Variants in NCAM1 observed in about 807,000 individuals in gnomAD.
NCAM1 encodes neural cell adhesion molecule 1.
In NCAM1, 14 loss-of-function variants were observed where a neutral mutation model predicts 109.8. The ratio of observed to expected loss-of-function variants is 0.13; its 90% confidence interval spans 0.08 to 0.20. The LOEUF (loss-of-function observed/expected upper bound fraction) is 0.20, where lower values mean the gene tolerates loss of function less well. Ranked by LOEUF, NCAM1 falls within the 10% of genes least tolerant of loss-of-function variation. The pLI, the probability that NCAM1 is intolerant of heterozygous loss-of-function variation, is 1.00. For missense variants in NCAM1, 774 were observed against 1,109.9 expected (o/e 0.70, Z 4.30); for synonymous variants, 418 against 442.9 (o/e 0.94, Z 0.70).
intron 1 of NCAM1, among the ~76,000 whole-genome samples, chr11:113,197,945 G>A (rs1467562315): frequency 6.6e-6 from 1 of 151,992 alleles, no homozygotes; most frequent in Admixed American, 6.6e-5. Flanking sequence ...ACTTCTGCTA[G>A]GGAGTTGGGA....
chr11:113,180,502 G>A (rs1285666509), intron 1 of NCAM1, among the ~76,000 whole-genome samples: 1 of 152,210 alleles, frequency 6.6e-6, no homozygotes, highest in Non-Finnish European at 1.5e-5. Context: ...GCATTCTCTG[G>A]AATGATCCTT....
chr11:113,034,227 T>G (rs1952797916), intron 1 of NCAM1, among the ~76,000 whole-genome samples: 1 of 152,156 alleles, frequency 6.6e-6, no homozygotes, highest in Non-Finnish European at 1.5e-5. Context: ...CATTAGTACC[T>G]GGGCAAAGAA....
At chr11:113,169,068 GTGTC>G (rs781875799) in intron 1 of NCAM1, among the ~76,000 whole-genome samples, 4,712 of 146,026 alleles carry the variant, frequency 0.032, 106 homozygotes, top group South Asian at 0.057. Flanking sequence ...GTGTGTGTGT[GTGTC>G]TGTGTGTGTG....
At chr11:113,111,741 A>G (rs1019210570) in intron 1 of NCAM1, among the ~76,000 whole-genome samples, 3 of 152,102 alleles carry the variant, frequency 2.0e-5, no homozygotes, top group Admixed American at 2.0e-4. Context: ...TTCTATGAAT[A>G]TCCATTACAA....
At chr11:113,216,586 C>T (rs950364539) in intron 8 of NCAM1, among the ~76,000 whole-genome samples, 4 of 152,216 alleles carry the variant, frequency 2.6e-5, no homozygotes, top group Non-Finnish European at 4.4e-5. Context: ...TCTGCTATCA[C>T]TATAGATCAT....
chr11:113,170,956 A>G (rs1942969374), intron 1 of NCAM1, among the ~76,000 whole-genome samples: 1 of 152,206 alleles, frequency 6.6e-6, no homozygotes, highest in South Asian at 2.1e-4. Flanking sequence ...CTTCAGTAGT[A>G]TAATTAAAAG....
At chr11:113,070,392 G>A (rs7952461) in intron 1 of NCAM1, among the ~76,000 whole-genome samples, 3,516 of 152,220 alleles carry the variant, frequency 0.023, 111 homozygotes, top group African/African-American at 0.074. Context: ...ATTCCTCCAA[G>A]AAGTTTGCCT....
At chr11:113,000,845 T>TATATATATATATAC (rs1951731961) in intron 1 of NCAM1, among the ~76,000 whole-genome samples, 1 of 103,858 alleles carries the variant, frequency 9.6e-6, no homozygotes, top group African/African-American at 3.9e-5. Flanking sequence ...TATATATATA[T>TATATATATATATAC]ATACACAAAA....
At chr11:113,005,691 C>T (rs1951875930) in intron 1 of NCAM1, among the ~76,000 whole-genome samples, 1 of 152,168 alleles carries the variant, frequency 6.6e-6, no homozygotes, top group African/African-American at 2.4e-5. Flanking sequence ...ACCTGGCAAC[C>T]TATCTGCTCA....
intron 1 of NCAM1, among the ~76,000 whole-genome samples, chr11:113,180,664 T>TA (rs1411668626): frequency 1.3e-5 from 2 of 152,236 alleles, no homozygotes; most frequent in Non-Finnish European, 2.9e-5. Context: ...GACTTGTACT[T>TA]AGAGTAGAAA....
intron 1 of NCAM1, among the ~76,000 whole-genome samples, chr11:113,034,404 G>A (rs529563896): frequency 1.3e-5 from 2 of 151,792 alleles, no homozygotes; most frequent in African/African-American, 4.8e-5. Context: ...CTGGAGTCTT[G>A]GTGTTACCAT....
intron 7 of NCAM1, 39 bp from the exon 8 acceptor site, chr11:113,214,330 A>G (rs140683750): frequency 2.0e-5 from 32 of 1,607,114 alleles, no homozygotes; most frequent in Non-Finnish European, 2.5e-5. Flanking sequence ...AGAAAGCTCA[A>G]TAATTAGATA....
chr11:113,238,625 T>A (rs767645262), intron 14 of NCAM1, among the ~76,000 whole-genome samples: 6 of 152,204 alleles, frequency 3.9e-5, no homozygotes, highest in Non-Finnish European at 7.3e-5. Flanking sequence ...TACTCTCATT[T>A]CTTGGAAGAC....
intron 1 of NCAM1, among the ~76,000 whole-genome samples, chr11:112,995,257 G>T (rs1375498637): frequency 6.6e-6 from 1 of 152,118 alleles, no homozygotes; most frequent in Non-Finnish European, 1.5e-5. Flanking sequence ...TGGTGGATTT[G>T]ATACACATCC....
At chr11:113,035,429 T>G (rs1952842938) in intron 1 of NCAM1, among the ~76,000 whole-genome samples, 1 of 152,208 alleles carries the variant, frequency 6.6e-6, no homozygotes, top group South Asian at 2.1e-4. Context: ...TCACCACCCC[T>G]GAAGGCATTC....
intron 17 of NCAM1, among the ~76,000 whole-genome samples, chr11:113,261,800 T>C (rs1487642099): frequency 6.6e-6 from 1 of 152,088 alleles, no homozygotes; most frequent in Non-Finnish European, 1.5e-5. Flanking sequence ...TGGCAATTGC[T>C]CCCTGGGGTG....
intron 17 of NCAM1, chr11:113,269,809 A>G (rs1396495051): frequency 3.9e-6 from 1 of 256,180 alleles, no homozygotes; most frequent in Non-Finnish European, 7.6e-6. Context: ...ATCAGTGATC[A>G]CTGCCTGCCT....
chr11:113,264,004 C>A, intron 17 of NCAM1: 1 of 985,454 alleles, frequency 1.0e-6, no homozygotes, highest in Non-Finnish European at 1.2e-6. Context: ...CTGCTCCTCC[C>A]TGCTGCTTGG....
chr11:113,104,555 C>T (rs543144395), intron 1 of NCAM1, among the ~76,000 whole-genome samples: 2 of 152,128 alleles, frequency 1.3e-5, no homozygotes, highest in African/African-American at 4.8e-5. Flanking sequence ...TTATTGGGCT[C>T]TGGCTGCCTT....
Sources: gnomAD v4.1 joint callset for allele counts (sites outside exome capture counted in the v4.1 genomes callset) on GRCh38, gnomAD v4.1.1 for gene constraint, MANE v1.5 for transcripts, NCBI Gene and HGNC (gene_info 2026-07-23, HGNC 2026-07-21) for gene names.